The following CDYL2 variants were observed in gnomAD, a reference collection of about 807,000 sequenced individuals.
The protein encoded by CDYL2 is chromodomain Y-like protein 2.
CDYL2 carries 23 observed loss-of-function variants against 49.4 expected under a neutral mutation model. That is an observed-to-expected ratio of 0.47 (90% CI 0.34 to 0.66). The LOEUF is 0.66. CDYL2 is among the 30% of genes least tolerant of loss of function. The probability of loss-of-function intolerance (pLI) is 0.01; values close to 1 mark genes in which losing one functional copy is unlikely to be tolerated. For synonymous variants in CDYL2, 360 were observed against 268.8 expected (o/e 1.34, Z -3.32); for missense variants, 678 against 656.4 (o/e 1.03, Z -0.36).
chr16:80,696,822 C>T (rs1910630925), intron 1 of CDYL2, among the ~76,000 whole-genome samples: 1 of 151,882 alleles, frequency 6.6e-6, no homozygotes, highest in African/African-American at 2.4e-5. Flanking sequence ...AATTCTTCTC[C>T]AAGTCTTCCA....
At chr16:80,801,717 A>C (rs1343223030) in intron 1 of CDYL2, among the ~76,000 whole-genome samples, 1 of 152,240 alleles carries the variant, frequency 6.6e-6, no homozygotes, top group Non-Finnish European at 1.5e-5. Flanking sequence ...CAGTCAACAT[A>C]CACTGGATAT....
intron 1 of CDYL2, among the ~76,000 whole-genome samples, chr16:80,716,188 C>G (rs183418647): frequency 9.7e-4 from 148 of 152,372 alleles, no homozygotes; most frequent in African/African-American, 3.2e-3. Context: ...ATCACTTCAT[C>G]AAAGAGAAGC....
At chr16:80,662,723 C>G (rs1376948874) in intron 2 of CDYL2, 4 of 455,740 alleles carry the variant, frequency 8.8e-6, no homozygotes, top group South Asian at 6.2e-5. Context: ...TTAATTTTAA[C>G]TAATTGAAAT....
chr16:80,719,438 C>A (rs770906699), intron 1 of CDYL2, among the ~76,000 whole-genome samples: 2 of 122,986 alleles, frequency 1.6e-5, no homozygotes, highest in Non-Finnish European at 2.1e-5. Flanking sequence ...AAGCCAGGAT[C>A]ATCATGATCT....
chr16:80,804,199 G>T lies in CDYL2; in HGVS notation c.-26C>A, dbSNP rs779446449. 1.5e-6 allele frequency: 2 copies of T among 1,331,500 alleles called. No homozygotes were observed. Among genetic ancestry groups the T allele is most frequent in the East Asian group, 4.1e-5 (1 of 24,640 alleles). The allele number at this position is 1,331,500 out of a possible 1,614,324, so 82.5% of individuals were successfully genotyped here. ...GCCAGGCTGCGGAACTTGGCTCGCC[G>T]GTGTGCGCGTCTGCTCGCTCGCGCC... On this transcript the variant is annotated 5_prime_UTR_variant, in exon 1 of 7. Coordinates refer to ENST00000570137, the MANE Select transcript of CDYL2 (RefSeq NM_152342.4).
chr16:80,687,035 T>C (rs534613469), intron 1 of CDYL2, among the ~76,000 whole-genome samples: 16 of 152,324 alleles, frequency 1.1e-4, no homozygotes, highest in African/African-American at 3.6e-4. Context: ...AGTATTCCTT[T>C]GTAATAATGC....
At chr16:80,737,051 G>A (rs540861020) in intron 1 of CDYL2, among the ~76,000 whole-genome samples, 102 of 152,272 alleles carry the variant, frequency 6.7e-4, no homozygotes, top group African/African-American at 2.3e-3. Flanking sequence ...AGAAGACAAG[G>A]AAAGAGAATT....
At chr16:80,654,742 C>T (rs945159445) in intron 2 of CDYL2, among the ~76,000 whole-genome samples, 5 of 152,236 alleles carry the variant, frequency 3.3e-5, no homozygotes, top group Non-Finnish European at 5.9e-5. Context: ...TGGAGATGGG[C>T]CTGTGCCACC....
At chr16:80,611,950 G>A (rs1480255931) in intron 5 of CDYL2, among the ~76,000 whole-genome samples, 1 of 152,362 alleles carries the variant, frequency 6.6e-6, no homozygotes, top group East Asian at 1.9e-4. Flanking sequence ...ACTTCTCTGA[G>A]CTTAACGTTC....
Position 80,612,918 on chromosome 16 carries a change from G to T in CDYL2, c.1008-82C>A, listed in dbSNP as rs1906667480. ...GGAACCCTTGACTCTCCCAGGTGCTGTGAGGAGCACCCTCAGGTCGTCAGA... is the reference window on the plus strand; with the variant it reads ...GGAACCCTTGACTCTCCCAGGTGCTTTGAGGAGCACCCTCAGGTCGTCAGA... On this transcript the variant is annotated intron_variant, in intron 4 of 6. Coordinates refer to ENST00000570137, the MANE Select transcript of CDYL2 (RefSeq NM_152342.4). This position sits in a 1 kb window ranked among gnomAD's most constrained non-coding sequence, Gnocchi z 5.0. 9 of 1,295,170 alleles carry T rather than the reference G, an allele frequency of 6.9e-6. No individual in the cohort carries two copies. In the Admixed American group the frequency reaches 2.3e-4, roughly 33 times the overall value. The allele number at this position is 1,295,170 out of a possible 1,614,324, so 80.2% of individuals were successfully genotyped here. A position where few individuals can be genotyped will look rare whatever the true frequency, so the allele number is the denominator to read the frequency against.
At chr16:80,632,760 T>C (rs906130426) in intron 3 of CDYL2, 1 of 428,066 alleles carries the variant, frequency 2.3e-6, no homozygotes, top group African/African-American at 2.0e-5. Flanking sequence ...GCTAAGTCTG[T>C]GTCCACGATC....
At chr16:80,727,047 G>C (rs1033248496) in intron 1 of CDYL2, among the ~76,000 whole-genome samples, 11 of 152,196 alleles carry the variant, frequency 7.2e-5, no homozygotes, top group Admixed American at 3.3e-4. Flanking sequence ...GACTGTGCCT[G>C]GGCAAGAGAG....
chr16:80,685,533 A>G (rs1322402953), intron 1 of CDYL2, among the ~76,000 whole-genome samples: 2 of 152,186 alleles, frequency 1.3e-5, no homozygotes, highest in East Asian at 3.8e-4. Context: ...CCTTATTTAT[A>G]ATAAGTAACA....
At chr16:80,683,695 T>C (rs1239586942) in intron 2 of CDYL2, among the ~76,000 whole-genome samples, 1 of 152,124 alleles carries the variant, frequency 6.6e-6, no homozygotes, top group Non-Finnish European at 1.5e-5. Context: ...GAGGGGCCTT[T>C]AGGAGGTAAT....
intron 6 of CDYL2, among the ~76,000 whole-genome samples, chr16:80,606,622 T>A (rs1906346156): frequency 6.6e-6 from 1 of 152,176 alleles, no homozygotes; most frequent in Non-Finnish European, 1.5e-5. Flanking sequence ...CCCAGGGTGA[T>A]CAACCACCCC....
chr16:80,711,199 T>C (rs566704692), intron 1 of CDYL2, among the ~76,000 whole-genome samples: 2 of 152,328 alleles, frequency 1.3e-5, no homozygotes, highest in South Asian at 4.1e-4. Flanking sequence ...AGCGGCGCTG[T>C]TACCAGGAAG....
chr16:80,697,557 G>A (rs562800958), intron 1 of CDYL2, among the ~76,000 whole-genome samples: 1 of 152,230 alleles, frequency 6.6e-6, no homozygotes, highest in Admixed American at 6.5e-5. Flanking sequence ...ACATAGTATT[G>A]GAAGTCCTAG....
intron 1 of CDYL2, among the ~76,000 whole-genome samples, chr16:80,772,849 T>C (rs188308008): frequency 8.5e-5 from 13 of 152,254 alleles, no homozygotes; most frequent in Admixed American, 7.9e-4. Flanking sequence ...AAAAATGGAA[T>C]AATGTTCTCA....
chr16:80,711,203 C>T (rs973308997), intron 1 of CDYL2, among the ~76,000 whole-genome samples: 10 of 152,314 alleles, frequency 6.6e-5, no homozygotes, highest in African/African-American at 2.4e-4. Flanking sequence ...GCGCTGTTAC[C>T]AGGAAGACAA....
Sources: allele counts gnomAD v4.1 joint callset (sites outside exome capture counted in the v4.1 genomes callset), GRCh38; gene constraint gnomAD v4.1.1; non-coding constraint Gnocchi (gnomAD v3.1); transcripts MANE v1.5; gene names NCBI Gene and HGNC (gene_info 2026-07-23, HGNC 2026-07-21).